Variants in PARP1 observed in about 807,000 individuals in gnomAD.
PARP1 encodes poly [ADP-ribose] polymerase 1.
A neutral mutation model predicts 118.7 loss-of-function variants in PARP1; 44 were observed. The ratio of observed to expected loss-of-function variants is 0.37; its 90% CI spans 0.29 to 0.48. The LOEUF (loss-of-function observed/expected upper bound fraction) is 0.48, where lower values mean the gene tolerates loss of function less well. Ranked by LOEUF, PARP1 falls within the 20% of genes least tolerant of loss-of-function variation. The probability of loss-of-function intolerance (pLI) is 0.99; values close to 1 mark genes in which losing one functional copy is unlikely to be tolerated. For synonymous variants in PARP1, 492 were observed against 483.2 expected (o/e 1.02, Z -0.24); for missense variants, 1,100 against 1,272.4 (o/e 0.86, Z 2.06).
chr1:226,379,189 G>C lies in PARP1; in HGVS notation c.1698C>G (p.Thr566=). ...TLGLVDIVKG[T]NSYYKLQLLE... ...GAAGCTGCAGCTTGTAGTAGGAGTT[G>C]GTTCCTTTAACGATGTCCACCAGGC... Residue 566 remains threonine (T), a synonymous_variant, in exon 12 of 23, where the codon ACC becomes ACG. Transcript: ENST00000366794. The C allele has an allele frequency of 6.2e-7, 1 of 1,614,216 alleles. No homozygotes were observed. Among genetic ancestry groups the C allele is most frequent in the Non-Finnish European group, 8.5e-7 (1 of 1,180,024 alleles).
intron 18 of PARP1, 43 bp downstream of exon 18, chr1:226,365,911 C>G (rs371055376): frequency 4.5e-6 from 6 of 1,319,422 alleles, no homozygotes; most frequent in African/African-American, 2.9e-5. Flanking sequence ...CAGGGAAGAG[C>G]TGGCAGGACA....
Position 226,377,008 on chromosome 1 carries a change from G to A in PARP1, c.1941+100C>T, listed in dbSNP as rs547825828. ...TTCTCCTTTCAACATTTGGTAGTATGTTTACTATGATGCCACCTGATCCAC... is the reference window on the plus strand; with the variant it reads ...TTCTCCTTTCAACATTTGGTAGTATATTTACTATGATGCCACCTGATCCAC... On this transcript the variant is annotated intron_variant, in intron 13 of 22. Transcript: ENST00000366794. 81 of 1,046,034 alleles carry A rather than the reference G, an allele frequency of 7.7e-5. 2 individuals carry two copies. In the Middle Eastern group the frequency reaches 8.9e-4, roughly 12 times the overall value. The allele number at this position is 1,046,034 out of a possible 1,614,324, so 64.8% of individuals were successfully genotyped here. A position where few individuals can be genotyped will look rare whatever the true frequency, so the allele number is the denominator to read the frequency against.
Position 226,385,754 on chromosome 1 carries a change from G to C in PARP1, c.835-74C>G, listed in dbSNP as rs1473866421. The C allele has an allele frequency of 2.2e-6, 3 of 1,342,668 alleles. No individual in the cohort carries two copies. The East Asian group carries it at 6.9e-5, about 31-fold the overall frequency. 83.2% of individuals were successfully genotyped at this position (1,342,668 alleles called of 1,614,324 possible). On this transcript the variant is annotated intron_variant, in intron 6 of 22. Transcript: ENST00000366794. The stretch of plus-strand genomic sequence containing the variant: ...AAAGGACACTTACTAATGTGGGATG[G>C]AGGAACTTGCACAGATTCCACTCAC...
rs367828737 is a variant in PARP1 at position 226,374,398 on chromosome 1, T to C, written c.1942-44A>G. 27 of 1,613,126 alleles carry C rather than the reference T, an allele frequency of 1.7e-5. No homozygotes were observed. The African/African-American group carries it at 3.3e-4, about 20-fold the overall frequency. On this transcript the variant is annotated intron_variant, in intron 13 of 22. Transcript: ENST00000366794. ...TTGCTAAGAGACCCAAATCAACAAC[T>C]CAAGCAAGGTATCTGCGTCTGTGGG...
intron 16 of PARP1, 99 bp from the exon 17 acceptor site, chr1:226,367,707 A>G: frequency 7.3e-7 from 1 of 1,376,028 alleles, no homozygotes; most frequent in South Asian, 1.2e-5. Context: ...AAGGTCCAAC[A>G]CAGTGAATGG....
chr1:226,394,885 G>A (rs1467602872), intron 2 of PARP1, among the ~76,000 whole-genome samples: 1 of 152,194 alleles, frequency 6.6e-6, no homozygotes, highest in Non-Finnish European at 1.5e-5. Context: ...TTCCTCACCT[G>A]TAAAAACTGA....
Position 226,390,312 on chromosome 1 carries a change from AAGGGAAACAG to A in PARP1, c.617+88_617+97del, listed in dbSNP as rs569681328. On this transcript the variant is annotated intron_variant, in intron 4 of 22. Transcript: ENST00000366794. ...CTCCCTGGCTTACTGACAGTCAGCG[AAGGGAAACAG>A]AGGAGTGGTATGGAACCTGTAGGGC... 612 of 1,042,818 alleles carry A rather than the reference AAGGGAAACAG, an allele frequency of 5.9e-4. 3 individuals carry two copies. In the African/African-American group the frequency reaches 8.9e-3, roughly 15 times the overall value. 64.6% of individuals were successfully genotyped at this position (1,042,818 alleles called of 1,614,324 possible). A position where few individuals can be genotyped will look rare whatever the true frequency, so the allele number is the denominator to read the frequency against.
chr1:226,402,207 T>C lies in PARP1; in HGVS notation c.286+7A>G. 1.2e-6 allele frequency: 2 copies of C among 1,614,180 alleles called. No individual in the cohort carries two copies. Among genetic ancestry groups the C allele is most frequent in the Non-Finnish European group, 1.7e-6 (2 of 1,180,032 alleles). On this transcript the variant is annotated splice_region_variant and intron_variant, in intron 2 of 22. Transcript: ENST00000366794. ...TGAATGCCCATGCTGCCCCAGTATG[T>C]ACACACCTGTCACTCCTCCAGCTTC...
At chr1:226,397,121 T>C (rs1236393632) in intron 2 of PARP1, among the ~76,000 whole-genome samples, 5 of 148,792 alleles carry the variant, frequency 3.4e-5, no homozygotes, top group African/African-American at 1.3e-4. Context: ...GCAAGATCCC[T>C]TGGGCAACAC....
chr1:226,378,979 C>T lies in PARP1; in HGVS notation c.1745+163G>A, dbSNP rs144266303. On this transcript the variant is annotated intron_variant, in intron 12 of 22. Coordinates refer to ENST00000366794, the MANE Select transcript of PARP1 (RefSeq NM_001618.4). ...ACTGGTTAGTAAGTGGCTTCTTTCT[C>T]CCCTTTAAGCAAAGGCCTTATAATT... Among the ~76,000 whole-genome samples, 1,062 of 152,352 alleles carry T rather than the reference C, an allele frequency of 7.0e-3. 7 individuals carry two copies. The highest frequency in any genetic ancestry group is 0.022 in the African/African-American group (921 of 41,576).
chr1:226,373,524 C>G (rs907192), intron 14 of PARP1, among the ~76,000 whole-genome samples: 1 of 152,024 alleles, frequency 6.6e-6, no homozygotes, highest in African/African-American at 2.4e-5. Context: ...ACTCATCTCC[C>G]GGGCGGAGAG....
chr1:226,398,817 A>T (rs1398072398), intron 2 of PARP1, among the ~76,000 whole-genome samples: 1 of 152,166 alleles, frequency 6.6e-6, no homozygotes, highest in Non-Finnish European at 1.5e-5. Flanking sequence ...TTCTTACAAA[A>T]CTAAATATAC....
At chr1:226,364,670 G>A (rs565396594) in intron 19 of PARP1, among the ~76,000 whole-genome samples, 2 of 152,332 alleles carry the variant, frequency 1.3e-5, no homozygotes, top group Non-Finnish European at 2.9e-5. Flanking sequence ...TCCTGCTGAA[G>A]ACACTGACAC....
Position 226,365,078 on chromosome 1 carries a change from C to T in PARP1, c.2582G>A (p.Trp861Ter). The change falls in exon 19 of 23, where the codon TGG becomes TAG. Residue 861 changes from tryptophan to a stop codon, truncating the protein, a stop_gained. Coordinates refer to ENST00000366794, the MANE Select transcript of PARP1 (RefSeq NM_001618.4). LOFTEE classifies it high-confidence loss of function. Reference sequence around the variant, plus strand: ...AAAGTTGGTGGTCCTGGACCCGTGCCACAGCAATCTTCGGTTATGAAGCTG... The same window carrying T: ...AAAGTTGGTGGTCCTGGACCCGTGCTACAGCAATCTTCGGTTATGAAGCTG... ...FKQLHNRRLL[W>*]HGSRTTNFAG... 1 of 1,614,262 alleles carries T rather than the reference C, an allele frequency of 6.2e-7. No homozygotes were observed. Among genetic ancestry groups the T allele is most frequent in the Non-Finnish European group, 8.5e-7 (1 of 1,180,056 alleles).
chr1:226,361,746 G>T, intron 22 of PARP1: 2 of 667,234 alleles, frequency 3.0e-6, no homozygotes, highest in Non-Finnish European at 5.4e-6. Flanking sequence ...TCTTCAGGCA[G>T]ACTGAGGAGA....
chr1:226,380,082 G>A lies in PARP1; in HGVS notation c.1383C>T (p.Asp461=), dbSNP rs369942072. The A allele has an allele frequency of 6.8e-6, 11 of 1,614,042 alleles. No individual in the cohort carries two copies. In the African/African-American group the frequency reaches 8.0e-5, roughly 12 times the overall value. The change falls in exon 10 of 23, where the codon GAC becomes GAT. Residue 461 remains aspartate, a synonymous_variant. Transcript: ENST00000366794. ...GAAGGCTCTTGGTGGAGGCGGAGAC[G>A]TCCTGGAGGAAGTCCTCAGACACAA... ...IRVVSEDFLQ[D]VSASTKSLQE... is the part of the protein sequence containing the mutation.
chr1:226,379,130 T>C lies in PARP1; in HGVS notation c.1745+12A>G. 1 of 1,614,196 alleles carries C rather than the reference T, an allele frequency of 6.2e-7. No individual in the cohort carries two copies. Among genetic ancestry groups the C allele is most frequent in the South Asian group, 1.1e-5 (1 of 91,084 alleles). Reference sequence around the variant, plus strand: ...TGTCTCTGCACAACCAGGCTACACCTGCAGAACTCACCTGTTTTCCTTGTC... The same window carrying C: ...TGTCTCTGCACAACCAGGCTACACCCGCAGAACTCACCTGTTTTCCTTGTC... On this transcript the variant is annotated intron_variant, in intron 12 of 22. Transcript: ENST00000366794.
rs1365570270 is a variant in PARP1 at position 226,379,964 on chromosome 1, C to T, written c.1501G>A (p.Ala501Thr). The change falls in exon 10 of 23, where the codon GCT becomes ACT. Residue 501 changes from alanine to threonine, a missense_variant. This residue lies in a region of PARP1 where 948 missense variants were observed against 1,031.8 expected (regional missense o/e 0.92). Transcript: ENST00000366794. ...EVVAPRGKSG[A>T]ALSKKSKGQV... is the part of the protein sequence containing the mutation. ...CCCTTGCTTTTTTTGGAGAGCGCAGCCCCTGACTTCCCTCTTGGGGCCACA... is the reference window on the plus strand; with the variant it reads ...CCCTTGCTTTTTTTGGAGAGCGCAGTCCCTGACTTCCCTCTTGGGGCCACA... 1.9e-6 allele frequency: 3 copies of T among 1,614,138 alleles called. No individual in the cohort carries two copies. Among genetic ancestry groups the T allele is most frequent in the Admixed American group, 3.3e-5 (2 of 60,032 alleles).
In PARP1 at chr1:226,380,219, A is replaced by G. The variant is rs898562856; in HGVS notation, c.1301-55T>C. On this transcript the variant is annotated intron_variant, in intron 9 of 22. Coordinates refer to ENST00000366794, the MANE Select transcript of PARP1 (RefSeq NM_001618.4). The stretch of plus-strand genomic sequence containing the variant: ...AATACAAGTTTAAAACAAAACTGAA[A>G]CTTCAAATTACTACAGTTATATTTA... The G allele has an allele frequency of 9.9e-6, 15 of 1,521,514 alleles. No individual in the cohort carries two copies. In the African/African-American group the frequency reaches 2.1e-4, roughly 21 times the overall value. 94.3% of individuals were successfully genotyped at this position (1,521,514 alleles called of 1,614,324 possible).
Sources: gnomAD v4.1 joint callset for allele counts (sites outside exome capture counted in the v4.1 genomes callset) on GRCh38, gnomAD v4.1.1 for gene constraint, gnomAD v4.1.1 regional missense constraint, MANE v1.5 for transcripts, NCBI Gene and HGNC (gene_info 2026-07-23, HGNC 2026-07-21) for gene names.